Variants in RMDN1 observed in about 807,000 individuals in gnomAD.
RMDN1 encodes regulator of microtubule dynamics protein 1.
RMDN1 carries 48 observed loss-of-function variants against 48.9 expected under a neutral mutation model. The observed-to-expected ratio is 0.98, with a 90% CI of 0.78 to 1.25. RMDN1 has a LOEUF of 1.25. Among genes scored for constraint, RMDN1 ranks in the 50% most tolerant of loss-of-function variants. The pLI is 0.00. For missense variants in RMDN1, 418 were observed against 373.4 expected (o/e 1.12, Z -0.98); for synonymous variants, 148 against 132.6 (o/e 1.12, Z -0.80).
intron 2 of RMDN1, among the ~76,000 whole-genome samples, chr8:86,497,957 G>GT (rs1817638994): frequency 6.6e-6 from 1 of 151,654 alleles, no homozygotes; most frequent in Non-Finnish European, 1.5e-5. Flanking sequence ...TTAGCGAGGT[G>GT]TGGTGGCGCA....
intron 2 of RMDN1, among the ~76,000 whole-genome samples, chr8:86,499,185 T>C (rs1817828831): frequency 6.6e-6 from 1 of 152,162 alleles, no homozygotes; most frequent in Non-Finnish European, 1.5e-5. Flanking sequence ...TTACCACTCC[T>C]TTTAAATATA....
chr8:86,482,921 C>A, intron 5 of RMDN1: 1 of 885,316 alleles, frequency 1.1e-6, no homozygotes, highest in South Asian at 1.3e-5. Context: ...CTGGCTGTTT[C>A]CTCCAGAGGC....
chr8:86,504,002 T>C (rs958920383), intron 2 of RMDN1: 42 of 777,724 alleles, frequency 5.4e-5, no homozygotes, highest in Middle Eastern at 2.3e-4. Context: ...CCCATGTACA[T>C]TGGAGAGATC....
At chr8:86,480,353 T>C in intron 5 of RMDN1, 21 bp from the exon 6 acceptor site, 4 of 1,377,792 alleles carry the variant, frequency 2.9e-6, no homozygotes, top group Non-Finnish European at 4.0e-6. Context: ...ATGAGAAAAA[T>C]AAATCATATT....
intron 2 of RMDN1, among the ~76,000 whole-genome samples, chr8:86,500,869 A>T (rs1010633888): frequency 3.9e-5 from 6 of 152,230 alleles, no homozygotes; most frequent in African/African-American, 1.4e-4. Context: ...GCCATTTTTA[A>T]AAAAACCCAA....
chr8:86,504,090 C>T, intron 2 of RMDN1: 1 of 1,011,882 alleles, frequency 9.9e-7, no homozygotes, highest in Non-Finnish European at 1.6e-6. Flanking sequence ...TGGCCCAGAT[C>T]TTTGGTCTGG....
chr8:86,496,812 C>T (rs1817434848), intron 2 of RMDN1, among the ~76,000 whole-genome samples: 1 of 151,944 alleles, frequency 6.6e-6, no homozygotes, highest in Non-Finnish European at 1.5e-5. Flanking sequence ...TACAAGGTAC[C>T]CTACCCAAGA....
chr8:86,506,472 G>T (rs1819383754), intron 2 of RMDN1, among the ~76,000 whole-genome samples: 2 of 152,130 alleles, frequency 1.3e-5, no homozygotes, highest in Admixed American at 1.3e-4. Context: ...GACCATGTTC[G>T]AGATAGTATG....
intron 1 of RMDN1, chr8:86,508,099 C>CT (rs1347046162): frequency 1.1e-5 from 2 of 180,898 alleles, no homozygotes; most frequent in Non-Finnish European, 2.3e-5. Flanking sequence ...AGTCGTAGAA[C>CT]TTTTTAAATC....
intron 5 of RMDN1, 120 bp from the exon 6 acceptor site, chr8:86,480,452 C>A: frequency 2.0e-6 from 1 of 511,958 alleles, no homozygotes; most frequent in South Asian, 3.6e-5. Context: ...TCAGTTCTCC[C>A]ATTATAATAT....
At chr8:86,503,045 A>C (rs1344654484) in intron 2 of RMDN1, among the ~76,000 whole-genome samples, 2 of 152,138 alleles carry the variant, frequency 1.3e-5, no homozygotes, top group African/African-American at 4.8e-5. Flanking sequence ...TGTTAGCTCC[A>C]TTACCTATAT....
At chr8:86,504,589 A>T in intron 2 of RMDN1, 1 of 1,046,272 alleles carries the variant, frequency 9.6e-7, no homozygotes, top group African/African-American at 1.6e-5. Context: ...GACCCTGCAT[A>T]TGATAGGCCT....
intron 1 of RMDN1, 138 bp downstream of exon 1, chr8:86,508,354 C>T: frequency 1.1e-6 from 1 of 934,526 alleles, no homozygotes; most frequent in Non-Finnish European, 1.5e-6. Context: ...CCGGGCGTTC[C>T]AGGCACAGTG....
downstream of RMDN1, chr8:86,470,549 C>G: frequency 1.9e-6 from 1 of 539,750 alleles, no homozygotes; most frequent in Non-Finnish European, 2.8e-6. Flanking sequence ...CACTCCTGGG[C>G]ATGTATCCCA....
intron 2 of RMDN1, among the ~76,000 whole-genome samples, chr8:86,502,477 C>T (rs1818419339): frequency 6.7e-6 from 1 of 150,328 alleles, no homozygotes; most frequent in Non-Finnish European, 1.5e-5. Flanking sequence ...AACTCCTGGG[C>T]TCAAGTGATC....
rs573487621 is a variant in RMDN1, at chr8:86,514,333, G to A, written c.-95C>T. ...CTGGCAAGGAGCTGACATGCAGCCCGGAGTCAGCTCCCTGCGGATGGGCTG... is the reference window on the plus strand; with the variant it reads ...CTGGCAAGGAGCTGACATGCAGCCCAGAGTCAGCTCCCTGCGGATGGGCTG... On this transcript the variant is annotated 5_prime_UTR_variant, in exon 1 of 10. Coordinates refer to the RMDN1 transcript ENST00000523911. 7.6e-4 allele frequency: 679 copies of A among 893,838 alleles called. 3 individuals carry two copies. The South Asian group carries it at 9.7e-3, about 13-fold the overall frequency. 55.4% of individuals were successfully genotyped at this position (893,838 alleles called of 1,614,324 possible).
chr8:86,488,404 A>T (rs758335161), intron 3 of RMDN1, 148 bp downstream of exon 3: 2 of 443,172 alleles, frequency 4.5e-6, no homozygotes, highest in Non-Finnish European at 8.1e-6. Flanking sequence ...AACAAATAGT[A>T]TATTATAAAT....
chr8:86,474,615 GC>G (rs1813052617), intron 9 of RMDN1: 1 of 725,238 alleles, frequency 1.4e-6, no homozygotes, highest in South Asian at 1.5e-5. Flanking sequence ...ATTGTAGCAG[GC>G]AACCCGTAAC....
At chr8:86,497,750 A>C (rs933335663) in intron 2 of RMDN1, among the ~76,000 whole-genome samples, 4 of 151,914 alleles carry the variant, frequency 2.6e-5, no homozygotes, top group Admixed American at 6.6e-5. Flanking sequence ...GAGAAGATCC[A>C]GATAAACATA....
Sources: gnomAD v4.1 joint callset for allele counts (sites outside exome capture counted in the v4.1 genomes callset) on GRCh38, gnomAD v4.1.1 for gene constraint, MANE v1.5 for transcripts, NCBI Gene and HGNC (gene_info 2026-07-23, HGNC 2026-07-21) for gene names.